DMRT1: variants seen among roughly 807,000 people sequenced by gnomAD.
DMRT1 encodes the protein doublesex- and mab-3-related transcription factor 1.
A neutral mutation model predicts 32.3 loss-of-function variants in DMRT1; 7 were observed. The observed-to-expected ratio is 0.22, with a 90% CI of 0.12 to 0.41. The LOEUF is 0.41. Ranked by LOEUF, DMRT1 falls within the 10% of genes least tolerant of loss-of-function variation. The pLI is 1.00. For missense variants in DMRT1, 625 were observed against 500.5 expected, an observed-to-expected ratio of 1.25 and a Z score of -2.37; for synonymous variants, 278 against 206.1, an observed-to-expected ratio of 1.35 and a Z score of -2.99.
chr9:871,499 ATT>A (rs56390211), intron 2 of DMRT1, among the ~76,000 whole-genome samples: 34,018 of 114,720 alleles, frequency 0.3, 5,375 homozygotes, highest in Non-Finnish European at 0.38. Flanking sequence ...CGCCCGGCTA[ATT>A]TTTTTTTTTT....
intron 3 of DMRT1, among the ~76,000 whole-genome samples, chr9:896,151 C>G (rs7874680): frequency 0.02 from 2,981 of 151,824 alleles, 102 homozygotes; most frequent in African/African-American, 0.069. Context: ...TTTTTTCCAG[C>G]TCAATGAATT....
rs185155296 is a variant in DMRT1 at position 843,215 on chromosome 9, G to C, written c.354+1023G>C. Among the ~76,000 whole-genome samples, 215 of 152,340 alleles carry C rather than the reference G, an allele frequency of 1.4e-3. 1 individual carries two copies. The highest frequency in any genetic ancestry group is 5.0e-3 in the African/African-American group (207 of 41,578). Reference sequence around the variant, plus strand: ...GCTGCTAGGTTAGCGGGAAAGGGAGGCTCGGCCGGCTGCTGCTTACGCGGG... The same window carrying C: ...GCTGCTAGGTTAGCGGGAAAGGGAGCCTCGGCCGGCTGCTGCTTACGCGGG... On this transcript the variant is annotated intron_variant, in intron 1 of 4. Transcript: ENST00000382276.
chr9:889,641 T>C (rs1239705305), intron 2 of DMRT1, among the ~76,000 whole-genome samples: 1 of 152,240 alleles, frequency 6.6e-6, no homozygotes, highest in Non-Finnish European at 1.5e-5. Flanking sequence ...ATTTTGTTGC[T>C]TGATAAACTG....
At chr9:859,010 C>G (rs893645843) in intron 2 of DMRT1, among the ~76,000 whole-genome samples, 1 of 152,132 alleles carries the variant, frequency 6.6e-6, no homozygotes, top group East Asian at 1.9e-4. Flanking sequence ...ACTCTGTACC[C>G]ATTAAACGAT....
chr9:923,284 T>C lies in DMRT1; in HGVS notation c.967+6377T>C, dbSNP rs1201990792. Among the ~76,000 whole-genome samples the C allele has an allele frequency of 2.6e-5, 4 of 152,162 alleles. No homozygotes were observed. The East Asian group carries it at 7.7e-4, about 29-fold the overall frequency. ...TGCTCTTGATCCAGAACGCCAAAGG[T>C]GCCCTTTATGTGAGGTGAGGTGACA... On this transcript the variant is annotated intron_variant, in intron 4 of 4. Transcript: ENST00000382276.
intron 2 of DMRT1, among the ~76,000 whole-genome samples, chr9:854,554 A>C (rs1037063054): frequency 2.0e-5 from 3 of 152,174 alleles, no homozygotes; most frequent in Admixed American, 2.0e-4. Context: ...TATTCAAATA[A>C]GCAATAAAAG....
intron 2 of DMRT1, among the ~76,000 whole-genome samples, chr9:855,532 G>C (rs1446865785): frequency 6.6e-6 from 1 of 152,222 alleles, no homozygotes; most frequent in Non-Finnish European, 1.5e-5. Context: ...TACTAGGTAA[G>C]TGATCTGAAC....
At chr9:906,009 G>T (rs1322705795) in intron 3 of DMRT1, among the ~76,000 whole-genome samples, 1 of 132,872 alleles carries the variant, frequency 7.5e-6, no homozygotes, top group Non-Finnish European at 1.6e-5. Flanking sequence ...TGTCTCTCAA[G>T]ATGCTTCTGT....
chr9:856,382 G>C (rs1815401692), intron 2 of DMRT1, among the ~76,000 whole-genome samples: 1 of 152,100 alleles, frequency 6.6e-6, no homozygotes, highest in Non-Finnish European at 1.5e-5. Flanking sequence ...GAACATTTCA[G>C]TCACTCCCCA....
chr9:862,872 T>G (rs1313931642), intron 2 of DMRT1, among the ~76,000 whole-genome samples: 1 of 152,086 alleles, frequency 6.6e-6, no homozygotes, highest in Admixed American at 6.6e-5. Context: ...TCCCAAAAGA[T>G]GCCTGTGCCC....
intron 2 of DMRT1, among the ~76,000 whole-genome samples, chr9:889,521 C>T (rs758109978): frequency 7.2e-5 from 11 of 152,302 alleles, no homozygotes; most frequent in Non-Finnish European, 1.0e-4. Flanking sequence ...TTACAGTCAG[C>T]TGTAACAAAA....
chr9:940,240 A>G (rs1456651510), intron 4 of DMRT1, among the ~76,000 whole-genome samples: 1 of 152,172 alleles, frequency 6.6e-6, no homozygotes, highest in East Asian at 1.9e-4. Context: ...GAAAGCAGGT[A>G]CTCACACAGA....
At chr9:955,962 C>CAAA (rs997301532) in intron 4 of DMRT1, among the ~76,000 whole-genome samples, 1 of 152,068 alleles carries the variant, frequency 6.6e-6, no homozygotes, top group Non-Finnish European at 1.5e-5. Context: ...AGCAGGGTGT[C>CAAA]AAAGAGATAT....
chr9:913,143 A>G (rs577299481), intron 3 of DMRT1, among the ~76,000 whole-genome samples: 1 of 152,342 alleles, frequency 6.6e-6, no homozygotes, highest in East Asian at 1.9e-4. Context: ...ATAGTAAAAA[A>G]AACATCCAGC....
At chr9:904,712 A>C (rs1475483716) in intron 3 of DMRT1, among the ~76,000 whole-genome samples, 1 of 152,222 alleles carries the variant, frequency 6.6e-6, no homozygotes, top group Non-Finnish European at 1.5e-5. Flanking sequence ...TGGGAGGCCG[A>C]GGCAGGTGGA....
At chr9:966,096 A>G (rs1819923089) in intron 4 of DMRT1, among the ~76,000 whole-genome samples, 1 of 152,220 alleles carries the variant, frequency 6.6e-6, no homozygotes, top group African/African-American at 2.4e-5. Flanking sequence ...ATCTCAAAGC[A>G]GTCTGCTGCC....
At position 894,120 on chromosome 9, in the gene DMRT1, G is replaced by C. The variant is rs759390624; in HGVS notation, c.747G>C (p.Gly249=). 1 of 1,614,234 alleles carries C rather than the reference G, an allele frequency of 6.2e-7. No individual in the cohort carries two copies. The highest frequency in any genetic ancestry group is 2.2e-5 in the East Asian group (1 of 44,882). The change falls in exon 3 of 5, where the codon GGG becomes GGC. Residue 249 remains glycine, a synonymous_variant. Transcript: ENST00000382276. ...SASGEVGNPL[G]GSPVKNSLRG... is the part of the protein sequence containing the mutation. ...CTGGGGAGGTGGGAAATCCCCTCGG[G>C]GGATCCCCTGTGAAGAACAGCCTTC...
At chr9:927,764 A>C (rs1818575816) in intron 4 of DMRT1, among the ~76,000 whole-genome samples, 1 of 152,198 alleles carries the variant, frequency 6.6e-6, no homozygotes, top group South Asian at 2.1e-4. Context: ...AAATTGGCAT[A>C]AATGGAATCT....
chr9:858,086 T>TA (rs1410721353), intron 2 of DMRT1, among the ~76,000 whole-genome samples: 1 of 152,150 alleles, frequency 6.6e-6, no homozygotes, highest in African/African-American at 2.4e-5. Context: ...GCTATAAACA[T>TA]ACGTGTGCAT....
Sources: allele counts gnomAD v4.1 joint callset (sites outside exome capture counted in the v4.1 genomes callset), GRCh38; gene constraint gnomAD v4.1.1; transcripts MANE v1.5; gene names NCBI Gene and HGNC (gene_info 2026-07-23, HGNC 2026-07-21).